Variants in IL18RAP observed in about 807,000 individuals in gnomAD.
IL18RAP encodes interleukin 18 receptor accessory protein, also known as interleukin-18 receptor accessory protein.
Under a neutral mutation model 58.1 loss-of-function variants are expected in IL18RAP, and 37 were observed. That is an observed-to-expected ratio of 0.64 (90% confidence interval 0.49 to 0.84). The LOEUF (loss-of-function observed/expected upper bound fraction) is 0.84, where lower values mean the gene tolerates loss of function less well. IL18RAP is among the 40% of genes least tolerant of loss of function. The probability of loss-of-function intolerance (pLI) is 0.00; values close to 1 mark genes in which losing one functional copy is unlikely to be tolerated. For missense variants in IL18RAP, 667 were observed against 704.8 expected, an observed-to-expected ratio of 0.95 and a Z score of 0.61; for synonymous variants, 268 against 257.5, an observed-to-expected ratio of 1.04 and a Z score of -0.39.
In IL18RAP at chr2:102,443,311, C is replaced by G. The variant is rs1334464196; in HGVS notation, c.908C>G (p.Pro303Arg). 2.5e-6 allele frequency: 4 copies of G among 1,612,844 alleles called. No individual in the cohort carries two copies. Among genetic ancestry groups the G allele is most frequent in the Admixed American group, 3.4e-5 (2 of 59,620 alleles). The change falls in exon 6 of 10, where the codon CCT (proline) becomes CGT (arginine). Residue 303 changes from proline (P) to arginine (R), a missense_variant. Pro to Arg is a moderately radical substitution (Grantham distance 103). Coordinates refer to ENST00000687160, the MANE Select transcript of IL18RAP (RefSeq NM_001393487.1). The stretch of plus-strand genomic sequence containing the variant: ...GACCTAGAGTGGGAAGTCTCAGTAC[C>G]TGAGGCGAAAAGGTAAGAAAAAAAC... ...DSDLEWEVSV[P>R]EAKSIKSTLK...
intron 6 of IL18RAP, among the ~76,000 whole-genome samples, chr2:102,443,585 G>A (rs1240343087): frequency 2.0e-5 from 3 of 152,174 alleles, no homozygotes; most frequent in Non-Finnish European, 2.9e-5. Flanking sequence ...CAGACTGCTT[G>A]GAGATAAGTA....
intron 9 of IL18RAP, 122 bp from the exon 10 acceptor site, chr2:102,451,644 A>G (rs1683773050): frequency 1.3e-6 from 1 of 767,100 alleles, no homozygotes; most frequent in East Asian, 2.5e-5. Flanking sequence ...GAGCTGATAC[A>G]GTGTAAGTGG....
upstream of IL18RAP, among the ~76,000 whole-genome samples, chr2:102,421,674 G>A (rs1010102994): frequency 6.6e-5 from 10 of 152,144 alleles, no homozygotes; most frequent in Non-Finnish European, 2.9e-5. Flanking sequence ...TCTGCAAGGC[G>A]CATTGCACAG....
At chr2:102,443,072 G>A (rs1683200749) in intron 5 of IL18RAP, 128 bp from the exon 6 acceptor site, 1 of 815,152 alleles carries the variant, frequency 1.2e-6, no homozygotes, top group Non-Finnish European at 1.9e-6. Context: ...ATTATTTCTG[G>A]CACACATATT....
chr2:102,446,267 T>C (rs965731968), intron 7 of IL18RAP, among the ~76,000 whole-genome samples: 1 of 152,212 alleles, frequency 6.6e-6, no homozygotes, highest in African/African-American at 2.4e-5. Context: ...GTGTTTATTG[T>C]AAGACAGGTC....
chr2:102,420,309 T>G (rs984890130), upstream of IL18RAP, among the ~76,000 whole-genome samples: 12 of 152,224 alleles, frequency 7.9e-5, no homozygotes, highest in African/African-American at 2.9e-4. Flanking sequence ...GTTTATAATG[T>G]AGGTTCCATT....
chr2:102,452,130 A>G lies in IL18RAP; in HGVS notation c.1749A>G (p.Gly583=). ...RITSRIFQWK[G]LSRTETTGRS... ...CCTCTAGGATTTTTCAGTGGAAAGGACTCAGTAGAACAGAAACCACTGGGA... is the reference window on the plus strand; with the variant it reads ...CCTCTAGGATTTTTCAGTGGAAAGGGCTCAGTAGAACAGAAACCACTGGGA... The change falls in exon 10 of 10, where the codon GGA becomes GGG. Residue 583 remains glycine, a synonymous_variant. Coordinates refer to ENST00000687160, the MANE Select transcript of IL18RAP (RefSeq NM_001393487.1). The G allele has an allele frequency of 6.2e-7, 1 of 1,613,684 alleles. No homozygotes were observed. The highest frequency in any genetic ancestry group is 1.1e-5 in the South Asian group (1 of 90,954).
At chr2:102,430,383 C>G (rs966222302) in intron 3 of IL18RAP, among the ~76,000 whole-genome samples, 2 of 151,866 alleles carry the variant, frequency 1.3e-5, no homozygotes, top group African/African-American at 4.8e-5. Context: ...TATCCCTGCT[C>G]TCTCTTGGTT....
chr2:102,430,515 T>TCA (rs1318659859), intron 3 of IL18RAP, among the ~76,000 whole-genome samples: 1 of 152,082 alleles, frequency 6.6e-6, no homozygotes, highest in Non-Finnish European at 1.5e-5. Context: ...TGGAGACATA[T>TCA]TGTAAATGGT....
chr2:102,428,381 T>TG (rs1047000009), intron 3 of IL18RAP, among the ~76,000 whole-genome samples: 1 of 92,626 alleles, frequency 1.1e-5, no homozygotes, highest in Non-Finnish European at 2.6e-5. Flanking sequence ...TTTTGTTAGT[T>TG]TTTTTTTTTT....
chr2:102,424,039 G>C lies in IL18RAP; in HGVS notation c.299G>C (p.Ser100Thr). The change falls in exon 2 of 10, where the codon AGC (serine) becomes ACC (threonine). Residue 100 changes from serine (S) to threonine (T), a missense_variant. Physicochemically the swap from Ser to Thr is moderately conservative, Grantham distance 58. Transcript: ENST00000687160. ...NGDPLEDIRKSYPHIIQDKCT... is the reference protein window; with the variant it reads ...NGDPLEDIRKTYPHIIQDKCT... ...GATCCATTAGAGGACATTAGGAAAA[G>C]CTATCCTCACATCATTCAGGACAAA... 6.2e-7 allele frequency: 1 copy of C among 1,614,062 alleles called. No individual in the cohort carries two copies. Among genetic ancestry groups the C allele is most frequent in the East Asian group, 2.2e-5 (1 of 44,882 alleles).
At chr2:102,419,942 G>T (rs968148875), upstream of IL18RAP, 9 of 152,230 alleles carry the variant, frequency 5.9e-5, no homozygotes, top group African/African-American at 2.2e-4. Flanking sequence ...CATAAGCAGA[G>T]TCTGAAGCTT....
At chr2:102,450,042 T>C (rs1421386238) in intron 8 of IL18RAP, among the ~76,000 whole-genome samples, 1 of 152,190 alleles carries the variant, frequency 6.6e-6, no homozygotes, top group African/African-American at 2.4e-5. Flanking sequence ...TCAGGGCTAC[T>C]GTTTACCGTT....
At chr2:102,435,738 C>T (rs1012899194) in intron 3 of IL18RAP, among the ~76,000 whole-genome samples, 1 of 152,024 alleles carries the variant, frequency 6.6e-6, no homozygotes, top group Non-Finnish European at 1.5e-5. Context: ...TATAAGAAAT[C>T]GATAATACTG....
intron 3 of IL18RAP, among the ~76,000 whole-genome samples, chr2:102,436,576 C>T (rs1370499139): frequency 6.6e-6 from 1 of 151,834 alleles, no homozygotes; most frequent in Non-Finnish European, 1.5e-5. Context: ...TACTAGTAGG[C>T]AGGCAAAGTG....
intron 4 of IL18RAP, chr2:102,439,445 T>A (rs563545615): frequency 6.6e-6 from 1 of 152,500 alleles, no homozygotes; most frequent in South Asian, 2.1e-4. Flanking sequence ...CAAGCCAGCC[T>A]TTGAGCTGGT....
At chr2:102,422,100 T>G (rs1681610918), upstream of IL18RAP, among the ~76,000 whole-genome samples, 1 of 152,138 alleles carries the variant, frequency 6.6e-6, no homozygotes, top group Non-Finnish European at 1.5e-5. Context: ...CCACATTCCC[T>G]CTACTCCTCT....
chr2:102,450,058 A>G (rs1683667955), intron 8 of IL18RAP, among the ~76,000 whole-genome samples: 2 of 152,126 alleles, frequency 1.3e-5, no homozygotes, highest in African/African-American at 4.8e-5. Flanking sequence ...CCGTTTTGTA[A>G]CAATACTTTG....
At chr2:102,442,262 G>A (rs1163796200) in intron 5 of IL18RAP, among the ~76,000 whole-genome samples, 1 of 151,806 alleles carries the variant, frequency 6.6e-6, no homozygotes, top group African/African-American at 2.4e-5. Flanking sequence ...AAGAATTGCT[G>A]TATTAAAAAT....
Sources: allele counts gnomAD v4.1 joint callset (sites outside exome capture counted in the v4.1 genomes callset), GRCh38; gene constraint gnomAD v4.1.1; transcripts MANE v1.5; gene names NCBI Gene and HGNC (gene_info 2026-07-23, HGNC 2026-07-21).